Variants in NLGN1 observed in about 807,000 individuals in gnomAD.
The protein encoded by NLGN1 is neuroligin-1.
Under a neutral mutation model 65.5 loss-of-function variants are expected in NLGN1, and 12 were observed. The observed-to-expected ratio is 0.18, with a 90% confidence interval of 0.12 to 0.30. The LOEUF (loss-of-function observed/expected upper bound fraction) is 0.30. Ranked by LOEUF, NLGN1 falls within the 10% of genes least tolerant of loss-of-function variation. The pLI, the probability that NLGN1 is intolerant of heterozygous loss-of-function variation, is 1.00. For missense variants in NLGN1, 750 were observed against 1,007.1 expected, an observed-to-expected ratio of 0.74 and a Z score of 3.46; for synonymous variants, 350 against 359.5, an observed-to-expected ratio of 0.97 and a Z score of 0.30.
rs1413243749 is a variant in NLGN1 at position 174,246,593 on chromosome 3, A to AT, written c.647-28716dup. ...GCCACCACACCTGATTAATTTTTCA[A>AT]TTTTTTATGGAAATGAAGTCTCACT... is the stretch of plus-strand genomic sequence containing the variant. On this transcript the variant is annotated intron_variant, in intron 4 of 6. Coordinates refer to ENST00000457714, the Ensembl canonical transcript of NLGN1. 3.3e-5 allele frequency among the ~76,000 whole-genome samples: 5 copies of AT among 152,180 alleles called. No individual in the cohort carries two copies. The East Asian group carries it at 5.8e-4, about 18-fold the overall frequency.
At position 173,625,395 on chromosome 3, in the gene NLGN1, T is replaced by A. The variant is rs1195076638; in HGVS notation, c.493+20304T>A. Among the ~76,000 whole-genome samples the A allele has an allele frequency of 3.3e-5, 5 of 152,214 alleles. No homozygotes were observed. In the East Asian group the frequency reaches 9.7e-4, roughly 29 times the overall value. On this transcript the variant is annotated intron_variant, in intron 3 of 6. Coordinates refer to ENST00000457714, the Ensembl canonical transcript of NLGN1. ...ACCATCCTGGTACGTCTGCTTAGAT[T>A]GCAGCTGAATAAAGAAATTTAGGTT...
chr3:174,228,233 T>A (rs937155132), intron 4 of NLGN1, among the ~76,000 whole-genome samples: 1 of 152,116 alleles, frequency 6.6e-6, no homozygotes, highest in African/African-American at 2.4e-5. Context: ...ATAAACAACC[T>A]TGTTATTTGC....
rs530302448 is a variant in NLGN1 at position 174,203,974 on chromosome 3, C to CT, written c.647-71335dup. On this transcript the variant is annotated intron_variant, in intron 4 of 6. Transcript: ENST00000457714. ...TTTAAAATTACAATTATTATACAGACTTTTTTATCATAGCATTAATATTAA... is the reference window on the plus strand; with the variant it reads ...TTTAAAATTACAATTATTATACAGACTTTTTTTATCATAGCATTAATATTAA... Among the ~76,000 whole-genome samples the CT allele has an allele frequency of 3.8e-4, 58 of 152,180 alleles. No homozygotes were observed. The East Asian group carries it at 0.011, about 28-fold the overall frequency.
At chr3:173,397,529 C>T (rs1415450530), upstream of NLGN1, among the ~76,000 whole-genome samples, 1 of 151,698 alleles carries the variant, frequency 6.6e-6, no homozygotes, top group Non-Finnish European at 1.5e-5. Context: ...GCGTTCTCTC[C>T]CCCACTCCAC....
chr3:173,416,523 T>C (rs1018759104), intron 1 of NLGN1, among the ~76,000 whole-genome samples: 4 of 152,182 alleles, frequency 2.6e-5, no homozygotes, highest in African/African-American at 9.6e-5. Flanking sequence ...TTGCTTTCTA[T>C]TTTCTAAAAG....
chr3:173,832,130 A>C (rs115193120), intron 4 of NLGN1, among the ~76,000 whole-genome samples: 97,649 of 147,904 alleles, frequency 0.66, 32,698 homozygotes, highest in Non-Finnish European at 0.74. Flanking sequence ...CTAAATTAAA[A>C]AAAAAAAAAA....
At chr3:173,614,649 G>T (rs1337140201) in intron 3 of NLGN1, among the ~76,000 whole-genome samples, 1 of 152,018 alleles carries the variant, frequency 6.6e-6, no homozygotes, top group African/African-American at 2.4e-5. Flanking sequence ...TCCAAGCTAG[G>T]CAGCCAAGCA....
At chr3:173,823,729 T>C (rs920728722) in intron 4 of NLGN1, among the ~76,000 whole-genome samples, 1 of 152,088 alleles carries the variant, frequency 6.6e-6, no homozygotes, top group African/African-American at 2.4e-5. Context: ...CAGTTCTACA[T>C]TGTTGTAAAT....
At chr3:173,787,085 A>G (rs979386010) in intron 3 of NLGN1, among the ~76,000 whole-genome samples, 51 of 152,258 alleles carry the variant, frequency 3.3e-4, no homozygotes, top group African/African-American at 1.2e-3. Context: ...CTCAAAAAAA[A>G]AAAAAAGAAG....
intron 3 of NLGN1, among the ~76,000 whole-genome samples, chr3:173,757,217 A>G (rs1425007206): frequency 1.3e-5 from 2 of 152,054 alleles, no homozygotes; most frequent in African/African-American, 4.8e-5. Flanking sequence ...TGAAAGGTTA[A>G]TGGGAAATCA....
At chr3:174,244,523 T>G (rs1056558905) in intron 4 of NLGN1, among the ~76,000 whole-genome samples, 1 of 152,182 alleles carries the variant, frequency 6.6e-6, no homozygotes, top group African/African-American at 2.4e-5. Flanking sequence ...TATTACTTTA[T>G]TGAAGAAAAT....
intron 4 of NLGN1, among the ~76,000 whole-genome samples, chr3:173,891,296 A>C (rs906226287): frequency 6.6e-6 from 1 of 152,130 alleles, no homozygotes; most frequent in African/African-American, 2.4e-5. Context: ...TCAGTTCCCA[A>C]GTGGAAGGAT....
At chr3:173,702,879 T>G (rs1767461129) in intron 3 of NLGN1, among the ~76,000 whole-genome samples, 1 of 152,218 alleles carries the variant, frequency 6.6e-6, no homozygotes. Flanking sequence ...TTAAAATGGT[T>G]TTCTTTTTGA....
At chr3:173,563,886 G>A (rs1743196954) in intron 2 of NLGN1, among the ~76,000 whole-genome samples, 1 of 152,130 alleles carries the variant, frequency 6.6e-6, no homozygotes, top group Non-Finnish European at 1.5e-5. Context: ...CTACACAGTA[G>A]CCAAATTGAA....
chr3:174,012,048 A>G (rs1352946156), intron 4 of NLGN1, among the ~76,000 whole-genome samples: 1 of 152,180 alleles, frequency 6.6e-6, no homozygotes, highest in African/African-American at 2.4e-5. Flanking sequence ...CAGAACTCCC[A>G]AGGAGCAGTC....
chr3:173,842,237 G>A (rs1724922069), intron 4 of NLGN1, among the ~76,000 whole-genome samples: 1 of 152,124 alleles, frequency 6.6e-6, no homozygotes, highest in African/African-American at 2.4e-5. Context: ...CCTCCCACCA[G>A]GTTTCTCCCA....
intron 2 of NLGN1, among the ~76,000 whole-genome samples, chr3:173,525,334 C>CTATCT (rs1735464454): frequency 2.0e-5 from 3 of 151,516 alleles, no homozygotes; most frequent in Admixed American, 6.6e-5. Flanking sequence ...TTTTTTTCTT[C>CTATCT]TTTAATCTTG....
chr3:174,237,523 T>C (rs917410887), intron 4 of NLGN1, among the ~76,000 whole-genome samples: 5 of 152,178 alleles, frequency 3.3e-5, no homozygotes, highest in African/African-American at 1.2e-4. Flanking sequence ...GTTAGCATTC[T>C]ATTGTTTTTA....
chr3:173,689,852 A>G (rs1765208545), intron 3 of NLGN1, among the ~76,000 whole-genome samples: 1 of 152,186 alleles, frequency 6.6e-6, no homozygotes, highest in Non-Finnish European at 1.5e-5. Context: ...TAGGGGATGC[A>G]ATAGTGGAGA....
Sources: gnomAD v4.1 joint callset for allele counts (sites outside exome capture counted in the v4.1 genomes callset) on GRCh38, gnomAD v4.1.1 for gene constraint, MANE v1.5 for transcripts, NCBI Gene and HGNC (gene_info 2026-07-23, HGNC 2026-07-21) for gene names.